THSD4: variants seen among roughly 807,000 people sequenced by gnomAD.
THSD4 encodes thrombospondin type-1 domain-containing protein 4.
Under a neutral mutation model 119.0 loss-of-function variants are expected in THSD4, and 69 were observed. The ratio of observed to expected loss-of-function variants is 0.58; its 90% CI spans 0.48 to 0.71. The LOEUF is 0.71. Among genes scored for constraint, THSD4 ranks in the 30% least tolerant of loss-of-function variants. THSD4 has a pLI of 0.00. For missense variants in THSD4, 1,393 were observed against 1,391.1 expected, an observed-to-expected ratio of 1.00 and a Z score of -0.02; for synonymous variants, 524 against 540.4, an observed-to-expected ratio of 0.97 and a Z score of 0.42.
chr15:71,547,493 A>G (rs1239764142), intron 7 of THSD4: 6 of 1,549,874 alleles, frequency 3.9e-6, no homozygotes, highest in Middle Eastern at 1.7e-4. Context: ...TAAGCCAAAT[A>G]AAATATCTTG....
At chr15:71,520,801 G>C (rs2048429121) in intron 7 of THSD4, among the ~76,000 whole-genome samples, 1 of 152,174 alleles carries the variant, frequency 6.6e-6, no homozygotes, top group African/African-American at 2.4e-5. Context: ...TATAGTGAGT[G>C]GTGGACCTGA....
At chr15:71,200,955 T>C (rs747072318) in intron 3 of THSD4, among the ~76,000 whole-genome samples, 6 of 152,224 alleles carry the variant, frequency 3.9e-5, no homozygotes, top group African/African-American at 7.2e-5. Context: ...ATCCATGTGA[T>C]GGTGGCTGTG....
chr15:71,361,055 G>A (rs1440212068), intron 6 of THSD4, among the ~76,000 whole-genome samples: 6 of 152,194 alleles, frequency 3.9e-5, no homozygotes, highest in Non-Finnish European at 8.8e-5. Flanking sequence ...TGGATAGAGT[G>A]TCCTGAAAGA....
intron 1 of THSD4, among the ~76,000 whole-genome samples, chr15:71,100,330 C>T (rs2040248923): frequency 6.6e-6 from 1 of 152,182 alleles, no homozygotes; most frequent in Admixed American, 6.5e-5. Context: ...CTCTTCCTGG[C>T]TTTGATGAAG....
chr15:71,566,435 C>T (rs2049241366), intron 7 of THSD4, among the ~76,000 whole-genome samples: 1 of 152,120 alleles, frequency 6.6e-6, no homozygotes, highest in Admixed American at 6.5e-5. Flanking sequence ...AGATACTCTC[C>T]TTTAATCTCC....
At chr15:71,415,973 T>C (rs1040779015) in intron 7 of THSD4, among the ~76,000 whole-genome samples, 81 of 152,238 alleles carry the variant, frequency 5.3e-4, no homozygotes, top group African/African-American at 1.8e-3. Flanking sequence ...ATTTTTGTAT[T>C]TTTAGTAGAG....
chr15:71,472,787 T>C (rs887085360), intron 7 of THSD4, among the ~76,000 whole-genome samples: 8 of 152,202 alleles, frequency 5.3e-5, no homozygotes, highest in African/African-American at 1.9e-4. Context: ...AAAGCACATG[T>C]CATCTTAATT....
chr15:71,112,731 T>C (rs2040316108), upstream of THSD4, among the ~76,000 whole-genome samples: 3 of 152,366 alleles, frequency 2.0e-5, no homozygotes, highest in South Asian at 6.2e-4. Context: ...AGCTATTTTA[T>C]ATGCAAGGAC....
At chr15:71,687,767 A>C (rs537064764) in intron 8 of THSD4, among the ~76,000 whole-genome samples, 29 of 35,262 alleles carry the variant, frequency 8.2e-4, no homozygotes, top group African/African-American at 1.6e-3. Context: ...AAAAAAAAAA[A>C]AAAAACAAAC....
chr15:71,301,900 G>T (rs909734717), intron 6 of THSD4, among the ~76,000 whole-genome samples: 4 of 152,150 alleles, frequency 2.6e-5, no homozygotes, highest in Non-Finnish European at 4.4e-5. Context: ...TAGATGGGAT[G>T]CCTTTTGAGC....
intron 6 of THSD4, among the ~76,000 whole-genome samples, chr15:71,337,725 AGG>A (rs2045506790): frequency 1.5e-5 from 1 of 65,954 alleles, no homozygotes; most frequent in Non-Finnish European, 3.8e-5. Context: ...TGAACACTTG[AGG>A]AGGGCCTTTG....
chr15:71,593,665 G>T (rs1295351805), intron 7 of THSD4, among the ~76,000 whole-genome samples: 3 of 152,122 alleles, frequency 2.0e-5, no homozygotes, highest in Non-Finnish European at 4.4e-5. Context: ...GGAGGCCGAG[G>T]TGGGTGGATT....
At position 71,141,439 on chromosome 15, in the gene THSD4, A is replaced by G; in HGVS notation, c.-79-10A>G. The G allele has an allele frequency of 1.5e-6, 2 of 1,352,766 alleles. No individual in the cohort carries two copies. The highest frequency in any genetic ancestry group is 2.0e-6 in the Non-Finnish European group (2 of 991,014). 83.8% of individuals were successfully genotyped at this position (1,352,766 alleles called of 1,614,324 possible). A position where few individuals can be genotyped will look rare whatever the true frequency, so the allele number is the denominator to read the frequency against. On this transcript the variant is annotated splice_polypyrimidine_tract_variant and intron_variant, in intron 1 of 17. Transcript: ENST00000261862. ...AATGTTGCTAAAAATAACATTGTTC[A>G]TTTCCATAGGACTTGAACGCAACTC... is the stretch of plus-strand genomic sequence containing the variant.
Position 71,249,200 on chromosome 15 carries a change from C to T in THSD4, c.912+6104C>T, listed in dbSNP as rs142357845. ...TATACATGTATACACACCACACACA[C>T]ATATATATGTATACATAACATGTGT... On this transcript the variant is annotated intron_variant, in intron 5 of 17. Coordinates refer to ENST00000261862, the MANE Select transcript of THSD4 (RefSeq NM_024817.3). Among the ~76,000 whole-genome samples, 56 of 152,036 alleles carry T rather than the reference C, an allele frequency of 3.7e-4. 2 individuals carry two copies. In the East Asian group the frequency reaches 0.011, roughly 29 times the overall value.
chr15:71,516,727 C>G (rs759022132), intron 7 of THSD4, among the ~76,000 whole-genome samples: 2 of 152,172 alleles, frequency 1.3e-5, no homozygotes, highest in Admixed American at 6.5e-5. Flanking sequence ...GCTCTAAGAA[C>G]TCTAGTAACT....
Position 71,239,071 on chromosome 15 carries a change from C to G in THSD4, c.465-3578C>G, listed in dbSNP as rs182453005. Among the ~76,000 whole-genome samples, 763 of 152,228 alleles carry G rather than the reference C, an allele frequency of 5.0e-3. 7 individuals are homozygous for G. Among genetic ancestry groups the G allele is most frequent in the African/African-American group, 0.018 (729 of 41,518 alleles). The stretch of plus-strand genomic sequence containing the variant: ...AAAGTTGGTAGAGCTATTAAATAGC[C>G]AAACTAGAGCTTTTCTTACATAAAG... On this transcript the variant is annotated intron_variant, in intron 4 of 17. Coordinates refer to ENST00000261862, the MANE Select transcript of THSD4 (RefSeq NM_024817.3).
At chr15:71,571,623 A>G (rs1180298721) in intron 7 of THSD4, among the ~76,000 whole-genome samples, 1 of 152,140 alleles carries the variant, frequency 6.6e-6, no homozygotes, top group African/African-American at 2.4e-5. Context: ...TTGAGTACCT[A>G]TTGTGGACAG....
intron 7 of THSD4, among the ~76,000 whole-genome samples, chr15:71,502,075 C>A (rs1274476220): frequency 1.3e-5 from 2 of 152,206 alleles, no homozygotes; most frequent in African/African-American, 4.8e-5. Context: ...CAATACTGAT[C>A]TCATAGAGAA....
chr15:71,158,395 T>C (rs2043221110), intron 3 of THSD4, among the ~76,000 whole-genome samples: 1 of 152,074 alleles, frequency 6.6e-6, no homozygotes, highest in South Asian at 2.1e-4. Context: ...TCAGGTGATC[T>C]GCCCACCTCG....
Sources: gnomAD v4.1 joint callset for allele counts (sites outside exome capture counted in the v4.1 genomes callset) on GRCh38, gnomAD v4.1.1 for gene constraint, MANE v1.5 for transcripts, NCBI Gene and HGNC (gene_info 2026-07-23, HGNC 2026-07-21) for gene names.